CSNK2A1: variants seen among roughly 807,000 people sequenced by gnomAD.
CSNK2A1 encodes the protein casein kinase II subunit alpha.
Under a neutral mutation model 62.9 loss-of-function variants are expected in CSNK2A1, and 10 were observed. The observed-to-expected ratio is 0.16, with a 90% CI of 0.10 to 0.27. The LOEUF is 0.27. Among genes scored for constraint, CSNK2A1 ranks in the 10% least tolerant of loss-of-function variants. The pLI is 1.00. For missense variants in CSNK2A1, 160 were observed against 492.0 expected (o/e 0.33, Z 6.38); for synonymous variants, 124 against 167.8 (o/e 0.74, Z 2.02).
At chr20:534,694 T>C (rs528627622) in intron 1 of CSNK2A1, among the ~76,000 whole-genome samples, 2 of 152,246 alleles carry the variant, frequency 1.3e-5, no homozygotes, top group African/African-American at 2.4e-5. Flanking sequence ...TATAGGTAGC[T>C]GCAGATGAAT....
chr20:508,193 T>C, intron 3 of CSNK2A1: 1 of 375,226 alleles, frequency 2.7e-6, no homozygotes, highest in Non-Finnish European at 4.9e-6. Flanking sequence ...GGTGCACGAC[T>C]GCATATACAT....
chr20:493,452 T>C (rs1057328487), intron 8 of CSNK2A1, among the ~76,000 whole-genome samples: 5 of 152,244 alleles, frequency 3.3e-5, no homozygotes, highest in African/African-American at 1.2e-4. Flanking sequence ...AAAATAAATA[T>C]AAACAGCTTT....
In CSNK2A1 at chr20:512,306, AGCATCTTTTTACAT is replaced by A. The variant is rs374247653; in HGVS notation, c.-109-3660_-109-3647del. Among the ~76,000 whole-genome samples, 484 of 151,276 alleles carry A rather than the reference AGCATCTTTTTACAT, an allele frequency of 3.2e-3. 3 individuals carry two copies. Among genetic ancestry groups the A allele is most frequent in the African/African-American group, 0.011 (450 of 41,172 alleles). On this transcript the variant is annotated intron_variant, in intron 2 of 13. Coordinates refer to ENST00000217244, the MANE Select transcript of CSNK2A1 (RefSeq NM_177559.3). ...ATTTCCCTAATGATTAATGATGTTG[AGCATCTTTTTACAT>A]GCTTATTGGCCATTTGTATATTTGT...
At chr20:510,186 T>G (rs2018688472) in intron 2 of CSNK2A1, 1 of 152,446 alleles carries the variant, frequency 6.6e-6, no homozygotes, top group South Asian at 2.1e-4. Flanking sequence ...TTTTTTTTTT[T>G]TTTGAGATGG....
chr20:508,408 C>G (rs1448209786), intron 3 of CSNK2A1, 43 bp downstream of exon 3: 2 of 1,602,186 alleles, frequency 1.2e-6, no homozygotes, highest in East Asian at 2.2e-5. Context: ...CCACAAGATT[C>G]AGCCCTTTGA....
rs773682878 is a variant in CSNK2A1 at position 497,795 on chromosome 20, T to C, written c.367-15A>G. 1 of 1,610,294 alleles carries C rather than the reference T, an allele frequency of 6.2e-7. No homozygotes were observed. Among genetic ancestry groups the C allele is most frequent in the South Asian group, 1.1e-5 (1 of 90,802 alleles). Reference sequence around the variant, plus strand: ...TGGTACAATTGCTGTTAAAGACAAATGTTTGAGCCATGAAATAATGCTGAC... The same window carrying C: ...TGGTACAATTGCTGTTAAAGACAAACGTTTGAGCCATGAAATAATGCTGAC... On this transcript the variant is annotated splice_polypyrimidine_tract_variant and intron_variant, in intron 6 of 13. Transcript: ENST00000217244.
At chr20:515,625 A>G (rs1356430842) in intron 2 of CSNK2A1, among the ~76,000 whole-genome samples, 1 of 151,642 alleles carries the variant, frequency 6.6e-6, no homozygotes, top group Non-Finnish European at 1.5e-5. Context: ...CTGCACATTC[A>G]CACACACACA....
At chr20:516,914 T>C (rs2018839651) in intron 2 of CSNK2A1, among the ~76,000 whole-genome samples, 2 of 152,180 alleles carry the variant, frequency 1.3e-5, no homozygotes, top group Non-Finnish European at 2.9e-5. Flanking sequence ...CAAGATCTCA[T>C]CATCATCCCG....
chr20:529,815 G>A (rs973156953), intron 1 of CSNK2A1, among the ~76,000 whole-genome samples: 18 of 152,166 alleles, frequency 1.2e-4, no homozygotes, highest in African/African-American at 4.3e-4. Flanking sequence ...AAATTTGTGG[G>A]TAGAAGACAT....
chr20:540,880 A>C (rs1031660511), intron 1 of CSNK2A1: 2 of 152,228 alleles, frequency 1.3e-5, no homozygotes, highest in Non-Finnish European at 2.9e-5. Flanking sequence ...TCTTTTGCTT[A>C]GGGTCTCACG....
At chr20:494,373 C>T (rs1334395375) in intron 8 of CSNK2A1, 1 of 152,144 alleles carries the variant, frequency 6.6e-6, no homozygotes, top group East Asian at 1.9e-4. Context: ...CATATATAGG[C>T]TTTTGTGTGG....
chr20:529,522 G>T (rs757162649), intron 1 of CSNK2A1, among the ~76,000 whole-genome samples: 1 of 152,086 alleles, frequency 6.6e-6, no homozygotes, highest in Non-Finnish European at 1.5e-5. Flanking sequence ...TTTTACTTAA[G>T]AAATGCCCCA....
At chr20:485,380 G>C (rs1355449823) in intron 13 of CSNK2A1, among the ~76,000 whole-genome samples, 1 of 151,666 alleles carries the variant, frequency 6.6e-6, no homozygotes, top group Non-Finnish European at 1.5e-5. Context: ...ACAGGGTTTC[G>C]CCATGCTGGC....
intron 3 of CSNK2A1, among the ~76,000 whole-genome samples, chr20:505,454 G>C (rs2018558466): frequency 1.4e-5 from 2 of 146,388 alleles, no homozygotes; most frequent in African/African-American, 5.2e-5. Context: ...CCACCTCCCG[G>C]GTTCACACCA....
intron 1 of CSNK2A1, among the ~76,000 whole-genome samples, chr20:536,615 C>T (rs1489202507): frequency 6.6e-6 from 1 of 152,176 alleles, no homozygotes; most frequent in Non-Finnish European, 1.5e-5. Flanking sequence ...TAACCTATTG[C>T]CTTCCCCTCC....
At chr20:529,265 A>G (rs1042240041) in intron 1 of CSNK2A1, among the ~76,000 whole-genome samples, 28 of 151,436 alleles carry the variant, frequency 1.8e-4, no homozygotes, top group Non-Finnish European at 1.6e-4. Flanking sequence ...GGCTCAAGCA[A>G]TCCTCCCGCC....
intron 4 of CSNK2A1, chr20:503,651 T>C (rs1156648669): frequency 5.0e-6 from 2 of 398,464 alleles, no homozygotes; most frequent in East Asian, 7.1e-5. Flanking sequence ...TGGCATATTT[T>C]TGTGAAGCTG....
At chr20:495,889 G>C in intron 7 of CSNK2A1, 87 bp from the exon 8 acceptor site, 1 of 1,075,888 alleles carries the variant, frequency 9.3e-7, no homozygotes. Flanking sequence ...TTTCCTTTTA[G>C]CCTCACAATA....
At chr20:519,649 C>T (rs58317189) in intron 2 of CSNK2A1, among the ~76,000 whole-genome samples, 10,855 of 152,080 alleles carry the variant, frequency 0.071, 426 homozygotes, top group South Asian at 0.13. Flanking sequence ...AACAATGAAG[C>T]CAAGTAGTTT....
Sources: gnomAD v4.1 joint callset for allele counts (sites outside exome capture counted in the v4.1 genomes callset) on GRCh38, gnomAD v4.1.1 for gene constraint, MANE v1.5 for transcripts, NCBI Gene and HGNC (gene_info 2026-07-23, HGNC 2026-07-21) for gene names.